The following APBA1 variants were observed in gnomAD, a reference collection of about 807,000 sequenced individuals.
The protein encoded by APBA1 is amyloid-beta A4 precursor protein-binding family A member 1.
In APBA1, 55 loss-of-function variants were observed where a neutral mutation model predicts 86.6. The ratio of observed to expected loss-of-function variants is 0.64; its 90% CI spans 0.51 to 0.80. APBA1 has a LOEUF of 0.80. Ranked by LOEUF, APBA1 falls within the 30% of genes least tolerant of loss-of-function variation. The pLI, the probability that APBA1 is intolerant of heterozygous loss-of-function variation, is 0.00. For missense variants in APBA1, 1,090 were observed against 1,183.0 expected (o/e 0.92, Z 1.15); for synonymous variants, 511 against 493.9 (o/e 1.03, Z -0.46).
At chr9:69,602,659 A>C (rs182997382) in intron 1 of APBA1, among the ~76,000 whole-genome samples, 1 of 151,978 alleles carries the variant, frequency 6.6e-6, no homozygotes, top group East Asian at 1.9e-4. Context: ...CCCAGCAAAA[A>C]CTAATCTACT....
chr9:69,491,813 G>C (rs2133861459), intron 2 of APBA1, among the ~76,000 whole-genome samples: 1 of 148,006 alleles, frequency 6.8e-6, no homozygotes, highest in Non-Finnish European at 1.5e-5. Flanking sequence ...TGCCGAGGCT[G>C]GAGTGCAGTG....
At chr9:69,463,514 T>C (rs1835225464) in intron 5 of APBA1, 1 of 152,210 alleles carries the variant, frequency 6.6e-6, no homozygotes, top group Admixed American at 6.5e-5. Flanking sequence ...AATTTTAGTA[T>C]ACAGTTGGTA....
At chr9:69,446,663 G>A (rs1004519320) in intron 10 of APBA1, among the ~76,000 whole-genome samples, 2 of 152,158 alleles carry the variant, frequency 1.3e-5, no homozygotes, top group African/African-American at 4.8e-5. Flanking sequence ...TGGTCCCCAC[G>A]CAGATAAGGA....
chr9:69,574,845 G>A (rs2077438294), intron 1 of APBA1, among the ~76,000 whole-genome samples: 1 of 152,188 alleles, frequency 6.6e-6, no homozygotes, highest in Non-Finnish European at 1.5e-5. Flanking sequence ...AGTCAGGGTA[G>A]AGCAGCACAG....
chr9:69,489,538 C>A (rs1471800269), intron 2 of APBA1, among the ~76,000 whole-genome samples: 4 of 146,434 alleles, frequency 2.7e-5, no homozygotes, highest in Non-Finnish European at 5.9e-5. Flanking sequence ...AAGAAGGCAA[C>A]CTACAAAAAT....
chr9:69,564,661 A>G (rs1421510087), intron 1 of APBA1, among the ~76,000 whole-genome samples: 1 of 152,200 alleles, frequency 6.6e-6, no homozygotes, highest in African/African-American at 2.4e-5. Context: ...ATTATCTAAA[A>G]ATCAGAAAAT....
chr9:69,486,900 C>G (rs916563411), intron 2 of APBA1, among the ~76,000 whole-genome samples: 1 of 150,734 alleles, frequency 6.6e-6, no homozygotes, highest in African/African-American at 2.4e-5. Flanking sequence ...GAGTCACTGG[C>G]CTGCTCCCCT....
At chr9:69,645,654 C>T (rs1823376945) in intron 1 of APBA1, among the ~76,000 whole-genome samples, 2 of 152,182 alleles carry the variant, frequency 1.3e-5, no homozygotes, top group Admixed American at 6.5e-5. Flanking sequence ...GGGGGGAGCT[C>T]GTGCTCTCTT....
chr9:69,606,960 A>G (rs973086823), intron 1 of APBA1, among the ~76,000 whole-genome samples: 1 of 152,230 alleles, frequency 6.6e-6, no homozygotes, highest in African/African-American at 2.4e-5. Context: ...ATACATTAAA[A>G]AATACAATCA....
intron 1 of APBA1, among the ~76,000 whole-genome samples, chr9:69,567,636 T>A (rs1319052563): frequency 6.6e-6 from 1 of 151,984 alleles, no homozygotes; most frequent in Non-Finnish European, 1.5e-5. Flanking sequence ...AATGTTCTCA[T>A]TGTTCAACTT....
chr9:69,639,466 T>C (rs1330383245), intron 1 of APBA1, among the ~76,000 whole-genome samples: 1 of 152,120 alleles, frequency 6.6e-6, no homozygotes, highest in Non-Finnish European at 1.5e-5. Flanking sequence ...AGGATGAACC[T>C]GGAACATCTC....
intron 1 of APBA1, among the ~76,000 whole-genome samples, chr9:69,535,512 C>A (rs141434029): frequency 6.6e-6 from 1 of 152,314 alleles, no homozygotes; most frequent in East Asian, 1.9e-4. Context: ...GTAGGCCACT[C>A]AATCTGAAGA....
chr9:69,542,724 T>C (rs1836633479), intron 1 of APBA1, among the ~76,000 whole-genome samples: 1 of 152,238 alleles, frequency 6.6e-6, no homozygotes. Flanking sequence ...CAAGCAAAAT[T>C]ATAGAATTTT....
intron 1 of APBA1, among the ~76,000 whole-genome samples, chr9:69,658,226 TTC>T (rs1179515351): frequency 1.5e-4 from 2 of 13,232 alleles, no homozygotes; most frequent in South Asian, 4.5e-3. Context: ...CTTTCTCTCT[TTC>T]TTTCTTTCTT....
chr9:69,461,248 T>G (rs1725722610), intron 5 of APBA1: 1 of 152,136 alleles, frequency 6.6e-6, no homozygotes, highest in Non-Finnish European at 1.5e-5. Context: ...AAGCCAGGAA[T>G]GACAACATCT....
At chr9:69,451,519 C>T (rs1351947127) in intron 9 of APBA1, among the ~76,000 whole-genome samples, 5 of 152,168 alleles carry the variant, frequency 3.3e-5, no homozygotes, top group Non-Finnish European at 5.9e-5. Context: ...TCTAGCCAAA[C>T]CGTATTTCCT....
At position 69,427,807 on chromosome 9, in the gene APBA1, T is replaced by C. The variant is rs1351518740; in HGVS notation, c.*3520A>G. Reference sequence around the variant, plus strand: ...TTTATATATAGATCATTGAGTTTTGTGTATACAAAGAACGATATTGTTACA... The same window carrying C: ...TTTATATATAGATCATTGAGTTTTGCGTATACAAAGAACGATATTGTTACA... On this transcript the variant is annotated 3_prime_UTR_variant, in exon 13 of 13. Coordinates refer to ENST00000265381, the MANE Select transcript of APBA1 (RefSeq NM_001163.4). 1.3e-5 allele frequency: 2 copies of C among 152,056 alleles called. No homozygotes were observed. Among genetic ancestry groups the C allele is most frequent in the Admixed American group, 1.3e-4 (2 of 15,266 alleles). The allele number at this position is 152,056 out of a possible 1,614,324, so 9.4% of individuals were successfully genotyped here. A position where few individuals can be genotyped will look rare whatever the true frequency, so the allele number is the denominator to read the frequency against.
intron 1 of APBA1, among the ~76,000 whole-genome samples, chr9:69,595,653 C>T (rs17082946): frequency 0.027 from 4,049 of 152,148 alleles, 84 homozygotes; most frequent in African/African-American, 0.05. Context: ...TTCAGATGTT[C>T]GAAGTTGCTC....
intron 1 of APBA1, among the ~76,000 whole-genome samples, chr9:69,551,467 C>A (rs376213314): frequency 6.6e-6 from 1 of 151,578 alleles, no homozygotes; most frequent in South Asian, 2.1e-4. Context: ...GCAAGAGAAT[C>A]GCTTTAACCC....
Sources: allele counts gnomAD v4.1 joint callset (sites outside exome capture counted in the v4.1 genomes callset), GRCh38; gene constraint gnomAD v4.1.1; transcripts MANE v1.5; gene names NCBI Gene and HGNC (gene_info 2026-07-23, HGNC 2026-07-21).